PALD1: variants seen among roughly 807,000 people sequenced by gnomAD.
The protein encoded by PALD1 is paladin.
Under a neutral mutation model 96.0 loss-of-function variants are expected in PALD1, and 57 were observed. That is an observed-to-expected ratio of 0.59 (90% CI 0.48 to 0.74). The LOEUF (loss-of-function observed/expected upper bound fraction) is 0.74, where lower values mean the gene tolerates loss of function less well. Ranked by LOEUF, PALD1 falls within the 30% of genes least tolerant of loss-of-function variation. The pLI is 0.00. For missense variants in PALD1, 1,063 were observed against 1,143.7 expected (o/e 0.93, Z 1.02); for synonymous variants, 464 against 473.6 (o/e 0.98, Z 0.26).
Position 70,534,197 on chromosome 10 carries a change from C to T in PALD1, c.1022+124C>T, listed in dbSNP as rs1055014745. On this transcript the variant is annotated intron_variant, in intron 8 of 19. Transcript: ENST00000263563. ...AGCTGGAAATTTGGCATCTGGGGTT[C>T]ATTTCCTGGTTTGCCACGAGACTTG... The T allele has an allele frequency of 4.2e-6, 5 of 1,187,062 alleles. No homozygotes were observed. The African/African-American group carries it at 7.7e-5, about 18-fold the overall frequency. 73.5% of individuals were successfully genotyped at this position (1,187,062 alleles called of 1,614,324 possible). A position where few individuals can be genotyped will look rare whatever the true frequency, so the allele number is the denominator to read the frequency against.
chr10:70,499,670 G>A (rs922069934), intron 1 of PALD1, among the ~76,000 whole-genome samples: 9 of 152,380 alleles, frequency 5.9e-5, no homozygotes, highest in Non-Finnish European at 1.0e-4. Context: ...GGAGGTTTGA[G>A]GTGGTGGAGT....
chr10:70,488,783 T>C (rs1448337170), intron 1 of PALD1, among the ~76,000 whole-genome samples: 2 of 151,996 alleles, frequency 1.3e-5, no homozygotes, highest in Non-Finnish European at 2.9e-5. Flanking sequence ...TAGAGCAGGT[T>C]CTGGAGAAGA....
chr10:70,473,146 T>G, the PALD1 span, among the ~76,000 whole-genome samples: 1 of 152,088 alleles, frequency 6.6e-6, no homozygotes, highest in African/African-American at 2.4e-5. Context: ...CACCCACGTC[T>G]CCCCACCCCT....
In PALD1 at chr10:70,532,686, G is replaced by A; in HGVS notation, c.699G>A (p.Trp233Ter). 6.2e-7 allele frequency: 1 copy of A among 1,614,202 alleles called. No individual in the cohort carries two copies. The highest frequency in any genetic ancestry group is 8.5e-7 in the Non-Finnish European group (1 of 1,180,030). Residue 233 changes from tryptophan to a stop codon, truncating the protein, a stop_gained, in exon 6 of 20, where the codon TGG becomes TGA. Coordinates refer to ENST00000263563, the MANE Select transcript of PALD1 (RefSeq NM_014431.3). LOFTEE classifies it high-confidence loss of function. ...TGTACCATAACACCGAGGACCTGTGGGGGGAGCCCCATGCTGTGGCCATCC... is the reference window on the plus strand; with the variant it reads ...TGTACCATAACACCGAGGACCTGTGAGGGGAGCCCCATGCTGTGGCCATCC... ...YHVYHNTEDL[W>*]GEPHAVAIHG...
At chr10:70,535,368 TTCC>T (rs752538058) in intron 10 of PALD1, among the ~76,000 whole-genome samples, 4 of 151,988 alleles carry the variant, frequency 2.6e-5, no homozygotes, top group South Asian at 2.1e-4. Flanking sequence ...TCTTCTTCTC[TTCC>T]TCCTCCTCCT....
chr10:70,512,991 C>A (rs1846543398), intron 1 of PALD1, among the ~76,000 whole-genome samples: 1 of 152,212 alleles, frequency 6.6e-6, no homozygotes, highest in African/African-American at 2.4e-5. Context: ...GATGATCATA[C>A]AGATTGCTCC....
At chr10:70,523,121 G>A (rs1267851347) in intron 1 of PALD1, among the ~76,000 whole-genome samples, 1 of 152,242 alleles carries the variant, frequency 6.6e-6, no homozygotes, top group East Asian at 1.9e-4. Flanking sequence ...TACCCCTGCG[G>A]CCTGCAGCTG....
intron 17 of PALD1, among the ~76,000 whole-genome samples, chr10:70,546,180 TGAGCC>T (rs1847358398): frequency 6.7e-6 from 1 of 150,162 alleles, no homozygotes; most frequent in Non-Finnish European, 1.5e-5. Flanking sequence ...GAGGTTGCAG[TGAGCC>T]GAGATCTCAC....
In PALD1 at chr10:70,539,075, G is replaced by A. The variant is rs752831930; in HGVS notation, c.1570-17G>A. 22 of 1,613,664 alleles carry A rather than the reference G, an allele frequency of 1.4e-5. No homozygotes were observed. In the East Asian group the frequency reaches 2.0e-4, roughly 15 times the overall value. On this transcript the variant is annotated splice_polypyrimidine_tract_variant and intron_variant, in intron 13 of 19. Transcript: ENST00000263563. The surrounding 1 kb of genome is among the most constrained non-coding windows in gnomAD (Gnocchi z 4.5). ...GAGGGAGGGCTGAGCACTCACTGCC[G>A]GCCCTCCTGTGCCCAGGCCCTGGGG... is the stretch of plus-strand genomic sequence containing the variant.
At chr10:70,500,416 G>C (rs1466160203) in intron 1 of PALD1, among the ~76,000 whole-genome samples, 2 of 152,162 alleles carry the variant, frequency 1.3e-5, no homozygotes, top group African/African-American at 4.8e-5. Flanking sequence ...GGTCCCCAGG[G>C]ACTGGGGTTC....
chr10:70,466,510 C>T, the PALD1 span, among the ~76,000 whole-genome samples: 16 of 152,024 alleles, frequency 1.1e-4, no homozygotes, highest in Admixed American at 1.3e-4. Context: ...CCCAAAGTGT[C>T]GGGATTACAG....
At chr10:70,548,422 G>A (rs890916663) in intron 18 of PALD1, among the ~76,000 whole-genome samples, 16 of 152,232 alleles carry the variant, frequency 1.1e-4, no homozygotes, top group African/African-American at 3.4e-4. Context: ...TGTTGCACTC[G>A]GCCCTACTGG....
At chr10:70,466,479 G>A in the PALD1 span, among the ~76,000 whole-genome samples, 1 of 152,126 alleles carries the variant, frequency 6.6e-6, no homozygotes, top group African/African-American at 2.4e-5. Context: ...TCCTGACTTC[G>A]TGATCTGCCC....
In PALD1 at chr10:70,567,983, G is replaced by C. The variant is rs925191854; in HGVS notation, c.*1250G>C. 6.7e-6 allele frequency: 1 copy of C among 150,096 alleles called. No homozygotes were observed. Among genetic ancestry groups the C allele is most frequent in the Non-Finnish European group, 1.5e-5 (1 of 67,490 alleles). The allele number at this position is 150,096 out of a possible 1,614,324, so 9.3% of individuals were successfully genotyped here. A position where few individuals can be genotyped will look rare whatever the true frequency, so the allele number is the denominator to read the frequency against. On this transcript the variant is annotated 3_prime_UTR_variant, in exon 20 of 20. Transcript: ENST00000263563. ...GGAAAGCCTGTCTTTGGTTAGGCTC[G>C]TGTACTTCTGCAGGAAAAAAAAAAA...
chr10:70,513,601 A>G (rs4746046), intron 1 of PALD1, among the ~76,000 whole-genome samples: 73,492 of 152,166 alleles, frequency 0.48, 19,484 homozygotes, highest in East Asian at 0.66. Flanking sequence ...TCTCTAAATC[A>G]TGAACGTCAG....
chr10:70,518,206 TG>T (rs1846656103), intron 1 of PALD1, among the ~76,000 whole-genome samples: 1 of 152,164 alleles, frequency 6.6e-6, no homozygotes, highest in Non-Finnish European at 1.5e-5. Context: ...CCGGCCGCTG[TG>T]TGGTATATTA....
chr10:70,528,997 G>A (rs1380799318), intron 2 of PALD1, among the ~76,000 whole-genome samples: 1 of 152,148 alleles, frequency 6.6e-6, no homozygotes, highest in Non-Finnish European at 1.5e-5. Flanking sequence ...GAGTTGCAAG[G>A]GAGGCTGGGA....
At chr10:70,480,706 A>T (rs2132251577) in intron 1 of PALD1, among the ~76,000 whole-genome samples, 1 of 152,282 alleles carries the variant, frequency 6.6e-6, no homozygotes, top group South Asian at 2.1e-4. Context: ...TGCTGAGCTC[A>T]CCCGAAGCCC....
chr10:70,538,026 GC>G, intron 11 of PALD1, 120 bp downstream of exon 11: 1 of 827,208 alleles, frequency 1.2e-6, no homozygotes, highest in Non-Finnish European at 2.0e-6. Flanking sequence ...GGGAAGGGAG[GC>G]CAGGAGAGAC....
Sources: allele counts gnomAD v4.1 joint callset (sites outside exome capture counted in the v4.1 genomes callset), GRCh38; gene constraint gnomAD v4.1.1; non-coding constraint Gnocchi (gnomAD v3.1); transcripts MANE v1.5; gene names NCBI Gene and HGNC (gene_info 2026-07-23, HGNC 2026-07-21).